Variants in CLIC4 observed in about 807,000 individuals in gnomAD.
The protein encoded by CLIC4 is CLIC family member 4, also known as chloride intracellular channel protein 4.
Under a neutral mutation model 24.6 loss-of-function variants are expected in CLIC4, and 13 were observed. The ratio of observed to expected loss-of-function variants is 0.53; its 90% CI spans 0.34 to 0.84. CLIC4 has a LOEUF of 0.84. Among genes scored for constraint, CLIC4 ranks in the 40% least tolerant of loss-of-function variants. The pLI is 0.01. For missense variants in CLIC4, 227 were observed against 301.7 expected, an observed-to-expected ratio of 0.75 and a Z score of 1.83; for synonymous variants, 104 against 111.3, an observed-to-expected ratio of 0.93 and a Z score of 0.41.
At chr1:24,805,003 G>A (rs1639532381) in intron 2 of CLIC4, among the ~76,000 whole-genome samples, 1 of 147,894 alleles carries the variant, frequency 6.8e-6, no homozygotes, top group African/African-American at 2.5e-5. Flanking sequence ...GGAGGCTGAG[G>A]CAGGAGAATT....
At chr1:24,840,088 A>G (rs781643998) in intron 5 of CLIC4, 47 bp downstream of exon 5, 7 of 1,530,722 alleles carry the variant, frequency 4.6e-6, no homozygotes, top group Non-Finnish European at 6.2e-6. Flanking sequence ...CTTGTATTGT[A>G]TTTACTAAAG....
chr1:24,796,282 G>T (rs539042388), intron 1 of CLIC4, among the ~76,000 whole-genome samples: 24 of 152,192 alleles, frequency 1.6e-4, no homozygotes, highest in African/African-American at 5.5e-4. Flanking sequence ...TCTGCCTCCC[G>T]GGTTCAAGCG....
intron 1 of CLIC4, among the ~76,000 whole-genome samples, chr1:24,758,483 A>G (rs1243256041): frequency 6.6e-6 from 1 of 151,162 alleles, no homozygotes; most frequent in African/African-American, 2.4e-5. Flanking sequence ...TTTGAGGCAG[A>G]GTCTCACTCT....
intron 1 of CLIC4, among the ~76,000 whole-genome samples, chr1:24,783,104 A>C (rs1639224654): frequency 6.6e-6 from 1 of 152,222 alleles, no homozygotes; most frequent in Non-Finnish European, 1.5e-5. Context: ...TAAGTTGCAT[A>C]CATTGTGGCA....
At chr1:24,766,750 C>T (rs186587640) in intron 1 of CLIC4, among the ~76,000 whole-genome samples, 4 of 151,382 alleles carry the variant, frequency 2.6e-5, no homozygotes, top group African/African-American at 9.7e-5. Context: ...AAGTGATCCG[C>T]CCACCTTGCC....
intron 1 of CLIC4, among the ~76,000 whole-genome samples, chr1:24,795,601 C>T (rs1306740661): frequency 6.6e-6 from 1 of 152,066 alleles, no homozygotes; most frequent in Non-Finnish European, 1.5e-5. Flanking sequence ...AATGGAGTCT[C>T]ACTTTGTCGC....
intron 1 of CLIC4, among the ~76,000 whole-genome samples, chr1:24,784,893 A>G (rs1394146335): frequency 1.3e-5 from 2 of 151,762 alleles, no homozygotes; most frequent in African/African-American, 4.8e-5. Context: ...AGTCCCAGCT[A>G]CTCAGGAGGC....
At chr1:24,779,594 G>T (rs1412910113) in intron 1 of CLIC4, among the ~76,000 whole-genome samples, 1 of 152,038 alleles carries the variant, frequency 6.6e-6, no homozygotes, top group Non-Finnish European at 1.5e-5. Context: ...TAAATTCCAG[G>T]GTTACAGATC....
chr1:24,756,772 G>A (rs1263523220), intron 1 of CLIC4, among the ~76,000 whole-genome samples: 3 of 152,202 alleles, frequency 2.0e-5, no homozygotes, highest in East Asian at 1.9e-4. Flanking sequence ...CTAGGCTGGA[G>A]TGCAGTGGCG....
rs185285912 is a variant in CLIC4 at position 24,763,408 on chromosome 1, C to T, written c.72+17783C>T. Among the ~76,000 whole-genome samples, 245 of 151,768 alleles carry T rather than the reference C, an allele frequency of 1.6e-3. 1 individual carries two copies. Among genetic ancestry groups the T allele is most frequent in the African/African-American group, 5.5e-3 (228 of 41,412 alleles). On this transcript the variant is annotated intron_variant, in intron 1 of 5. Coordinates refer to ENST00000374379, the MANE Select transcript of CLIC4 (RefSeq NM_013943.3). Reference sequence around the variant, plus strand: ...TACAAAAATTAGCCGGGCGTTGTGGCGCATGCTTGTAGTCCCAGCTACTTG... The same window carrying T: ...TACAAAAATTAGCCGGGCGTTGTGGTGCATGCTTGTAGTCCCAGCTACTTG...
Position 24,839,957 on chromosome 1 carries a change from A to G in CLIC4, c.513A>G (p.Ile171Met), listed in dbSNP as rs1639925970. The change falls in exon 5 of 6, where the codon ATA (isoleucine) becomes ATG (methionine). Residue 171 changes from isoleucine (I) to methionine (M), a missense_variant. Transcript: ENST00000374379. ...TTGATGAAAATAGTATGGAGGACAT[A>G]AAGTTTTCTACACGTAAATTTCTGG... ...DEIDENSMED[I>M]KFSTRKFLDG... The G allele has an allele frequency of 6.2e-7, 1 of 1,614,016 alleles. No homozygotes were observed. The highest frequency in any genetic ancestry group is 8.5e-7 in the Non-Finnish European group (1 of 1,180,010).
At chr1:24,794,681 G>T (rs1639378610) in intron 1 of CLIC4, among the ~76,000 whole-genome samples, 1 of 152,110 alleles carries the variant, frequency 6.6e-6, no homozygotes, top group African/African-American at 2.4e-5. Flanking sequence ...TTCTTCTGCT[G>T]TGCGGAAACT....
chr1:24,772,254 C>T (rs1052595692), intron 1 of CLIC4, among the ~76,000 whole-genome samples: 1 of 148,162 alleles, frequency 6.7e-6, no homozygotes, highest in East Asian at 2.0e-4. Flanking sequence ...TCTTCTTCTT[C>T]TTTTTTTTTT....
chr1:24,756,942 C>G (rs1004654308), intron 1 of CLIC4, among the ~76,000 whole-genome samples: 1 of 151,342 alleles, frequency 6.6e-6, no homozygotes, highest in Middle Eastern at 3.4e-3. Flanking sequence ...GTTGCCGAGG[C>G]TGGAGTGCAA....
chr1:24,841,563 A>C lies in CLIC4; in HGVS notation c.*626A>C, dbSNP rs1431097060. ...TAGATAGATTTTTACTTTTGCCTAA[A>C]AGCATTTATCCTTCATACCAATTGT... On this transcript the variant is annotated 3_prime_UTR_variant, in exon 6 of 6. Transcript: ENST00000374379. 1 of 152,178 alleles carries C rather than the reference A, an allele frequency of 6.6e-6. No homozygotes were observed. Among genetic ancestry groups the C allele is most frequent in the East Asian group, 1.9e-4 (1 of 5,198 alleles). 9.4% of individuals were successfully genotyped at this position (152,178 alleles called of 1,614,324 possible). A position where few individuals can be genotyped will look rare whatever the true frequency, so the allele number is the denominator to read the frequency against.
intron 2 of CLIC4, among the ~76,000 whole-genome samples, chr1:24,812,871 A>G (rs1335346881): frequency 6.6e-6 from 1 of 151,914 alleles, no homozygotes; most frequent in African/African-American, 2.4e-5. Flanking sequence ...GGTGCATGCC[A>G]CCATGCCCAG....
At chr1:24,819,768 GTCTC>G in intron 3 of CLIC4, among the ~76,000 whole-genome samples, 1 of 129,584 alleles carries the variant, frequency 7.7e-6, no homozygotes, top group East Asian at 2.3e-4. Context: ...TTTTGACAGA[GTCTC>G]TCTGTCGCCC....
At chr1:24,787,982 A>G (rs1041621775) in intron 1 of CLIC4, among the ~76,000 whole-genome samples, 18 of 151,834 alleles carry the variant, frequency 1.2e-4, no homozygotes, top group African/African-American at 4.4e-4. Context: ...CAGCTTCCCA[A>G]GTAGCTGGGA....
chr1:24,799,571 G>T (rs1321144602), intron 2 of CLIC4, among the ~76,000 whole-genome samples: 4 of 149,702 alleles, frequency 2.7e-5, no homozygotes, highest in Non-Finnish European at 5.9e-5. Context: ...GTCTCCGCCC[G>T]GCCAGCCGCC....
Sources: gnomAD v4.1 joint callset for allele counts (sites outside exome capture counted in the v4.1 genomes callset) on GRCh38, gnomAD v4.1.1 for gene constraint, MANE v1.5 for transcripts, NCBI Gene and HGNC (gene_info 2026-07-23, HGNC 2026-07-21) for gene names.